IKBIP: variants seen among roughly 807,000 people sequenced by gnomAD.
IKBIP encodes IKBKB interacting protein.
A neutral mutation model predicts 31.0 loss-of-function variants in IKBIP; 28 were observed. The observed-to-expected ratio is 0.90, with a 90% CI of 0.67 to 1.24. The LOEUF is 1.24. IKBIP is among the 50% of genes most tolerant of loss of function. IKBIP has a pLI of 0.00. For missense variants in IKBIP, 453 were observed against 441.9 expected, an observed-to-expected ratio of 1.03 and a Z score of -0.23; for synonymous variants, 164 against 160.3, an observed-to-expected ratio of 1.02 and a Z score of -0.17.
intron 2 of IKBIP, among the ~76,000 whole-genome samples, chr12:98,630,842 C>T (rs915101487): frequency 2.6e-5 from 4 of 152,174 alleles, no homozygotes; most frequent in Non-Finnish European, 4.4e-5. Flanking sequence ...CCCTTTAGGG[C>T]CACCTTTGTG....
downstream of IKBIP, among the ~76,000 whole-genome samples, chr12:98,619,632 G>C (rs1433036508): frequency 1.3e-5 from 2 of 152,130 alleles, no homozygotes; most frequent in South Asian, 4.1e-4. Context: ...ATCAGTGAAG[G>C]CTGGGGATGG....
At chr12:98,622,414 G>A (rs559307836), downstream of IKBIP, among the ~76,000 whole-genome samples, 4 of 152,136 alleles carry the variant, frequency 2.6e-5, no homozygotes, top group African/African-American at 9.6e-5. Context: ...CCCAGCAATC[G>A]GAGGAGCTGA....
rs563229831 is a variant in IKBIP at position 98,643,926 on chromosome 12, C to G, written c.179+597G>C. Among the ~76,000 whole-genome samples the G allele has an allele frequency of 7.2e-5, 11 of 151,950 alleles. No homozygotes were observed. The East Asian group carries it at 2.1e-3, about 30-fold the overall frequency. ...CGCCTCCCGGGTTCAAGCGATTCTC[C>G]TGCCTCAGCCTCCGGAGGAACTGGG... is the stretch of plus-strand genomic sequence containing the variant. On this transcript the variant is annotated intron_variant, in intron 1 of 2. Coordinates refer to ENST00000299157, the MANE Select transcript of IKBIP (RefSeq NM_153687.4).
At chr12:98,617,410 T>A (rs1472716223) in intron 2 of IKBIP, among the ~76,000 whole-genome samples, 1 of 152,218 alleles carries the variant, frequency 6.6e-6, no homozygotes, top group Non-Finnish European at 1.5e-5. Context: ...TCTGGCAACA[T>A]CTTGAGTTGT....
In IKBIP at chr12:98,624,344, TG is replaced by T. The variant is rs1272768486; in HGVS notation, c.*1585del. On this transcript the variant is annotated 3_prime_UTR_variant, in exon 3 of 3. Coordinates refer to ENST00000299157, the MANE Select transcript of IKBIP (RefSeq NM_153687.4). ...TAAGAGACATTCAGAAGTCAAGAAGTGTAATTTTAAGACTGCAAAAATTAAT... is the reference window on the plus strand; with the variant it reads ...TAAGAGACATTCAGAAGTCAAGAAGTTAATTTTAAGACTGCAAAAATTAAT... 3 of 983,910 alleles carry T rather than the reference TG, an allele frequency of 3.0e-6. No homozygotes were observed. Among genetic ancestry groups the T allele is most frequent in the Admixed American group, 1.2e-4 (2 of 16,264 alleles). The allele number at this position is 983,910 out of a possible 1,614,324, so 60.9% of individuals were successfully genotyped here.
chr12:98,640,339 CAGG>C (rs1257109744), intron 1 of IKBIP, among the ~76,000 whole-genome samples: 1 of 152,092 alleles, frequency 6.6e-6, no homozygotes, highest in Non-Finnish European at 1.5e-5. Flanking sequence ...GAGGCTGAGG[CAGG>C]AGAATTGCTT....
chr12:98,613,887 T>C lies in IKBIP; in HGVS notation c.751A>G (p.Ser251Gly), dbSNP rs757815097. 3 of 1,613,536 alleles carry C rather than the reference T, an allele frequency of 1.9e-6. No homozygotes were observed. In the South Asian group the frequency reaches 3.3e-5, roughly 18 times the overall value. ...CTATCTGTATGTTTGTCGAAGTCACTCTTTAGTTCGGTTAGCGTCTTCTTA... is the reference window on the plus strand; with the variant it reads ...CTATCTGTATGTTTGTCGAAGTCACCCTTTAGTTCGGTTAGCGTCTTCTTA... The change falls in exon 3 of 3, where the codon AGT (serine) becomes GGT (glycine). Residue 251 changes from serine to glycine, a missense_variant. Physicochemically the swap from Ser to Gly is moderately conservative, Grantham distance 56. Coordinates refer to the IKBIP transcript ENST00000342502.
At chr12:98,622,779 T>C (rs2153295613), downstream of IKBIP, among the ~76,000 whole-genome samples, 1 of 152,268 alleles carries the variant, frequency 6.6e-6, no homozygotes, top group East Asian at 1.9e-4. Context: ...TATGGGTTTT[T>C]CTATGAAGCC....
intron 2 of IKBIP, among the ~76,000 whole-genome samples, chr12:98,627,365 A>G (rs373594245): frequency 3.3e-5 from 5 of 151,750 alleles, no homozygotes; most frequent in African/African-American, 9.7e-5. Flanking sequence ...AAGTAATGTT[A>G]AAGTGCCTGA....
rs2028302 is a variant in IKBIP at position 98,614,696 on chromosome 12, C to T, written c.298-356G>A. On this transcript the variant is annotated intron_variant, in intron 2 of 2. Coordinates refer to the IKBIP transcript ENST00000342502. ...CCCACCTCGGCCTCCTAAATCCATG[C>T]CTGGGATTACAGGCGTGAGCCACCA... 7.2e-4 allele frequency among the ~76,000 whole-genome samples: 110 copies of T among 152,056 alleles called. 1 individual carries two copies. The highest frequency in any genetic ancestry group is 2.5e-3 in the African/African-American group (103 of 41,466).
Position 98,644,521 on chromosome 12 carries a change from A to C in IKBIP, c.179+2T>G. The C allele has an allele frequency of 6.3e-7, 1 of 1,593,010 alleles. No individual in the cohort carries two copies. The highest frequency in any genetic ancestry group is 8.5e-7 in the Non-Finnish European group (1 of 1,171,276). On this transcript the variant is annotated splice_donor_variant, in intron 1 of 2. Coordinates refer to ENST00000299157, the MANE Select transcript of IKBIP (RefSeq NM_153687.4). LOFTEE classifies it high-confidence loss of function. ...GGCCCAGGCAGCCTCGCGTCCACTT[A>C]CCAGGCCAGGCCCAGGCACGTCCCC...
chr12:98,621,564 C>A (rs2097610144), downstream of IKBIP, among the ~76,000 whole-genome samples: 16 of 152,254 alleles, frequency 1.1e-4, no homozygotes, highest in South Asian at 3.3e-3. Context: ...TGATTTTTCT[C>A]CCCTAGTTGA....
downstream of IKBIP, among the ~76,000 whole-genome samples, chr12:98,623,832 T>C (rs564226677): frequency 3.3e-5 from 5 of 151,130 alleles, no homozygotes; most frequent in African/African-American, 1.2e-4. Context: ...CACAGGAAAG[T>C]TTTTGAAATT....
In IKBIP at chr12:98,641,498, T is replaced by C. The variant is rs371470840; in HGVS notation, c.179+3025A>G. ...AATGTTTACAAATGTCTTATGGGGA[T>C]ATATTTTTATTTCAAAATTTACTAT... is the stretch of plus-strand genomic sequence containing the variant. On this transcript the variant is annotated intron_variant, in intron 1 of 2. Transcript: ENST00000299157. 9.8e-5 allele frequency among the ~76,000 whole-genome samples: 15 copies of C among 152,350 alleles called. 2 individuals are homozygous for C. Among genetic ancestry groups the C allele is most frequent in the East Asian group, 3.9e-4 (2 of 5,192 alleles).
chr12:98,637,163 A>G (rs919958386), intron 1 of IKBIP, among the ~76,000 whole-genome samples: 8 of 152,108 alleles, frequency 5.3e-5, no homozygotes, highest in Non-Finnish European at 1.2e-4. Flanking sequence ...ATCATCTCTG[A>G]TAATTAGTAG....
intron 1 of IKBIP, among the ~76,000 whole-genome samples, chr12:98,641,845 C>T (rs780681449): frequency 9.2e-5 from 14 of 152,200 alleles, no homozygotes; most frequent in South Asian, 4.1e-4. Context: ...TTCGTAGACA[C>T]GGTCTCACTA....
Position 98,624,261 on chromosome 12 carries a change from CTATTT to C in IKBIP, c.*1664_*1668del. ...ACAAAGTTCCAGCTTACTTTATAATCTATTTTATTACCATTAATATAAAAGTAAAC... is the reference window on the plus strand; with the variant it reads ...ACAAAGTTCCAGCTTACTTTATAATCTATTACCATTAATATAAAAGTAAAC... On this transcript the variant is annotated 3_prime_UTR_variant, in exon 3 of 3. Transcript: ENST00000299157. 1 of 970,438 alleles carries C rather than the reference CTATTT, an allele frequency of 1.0e-6. No individual in the cohort carries two copies. Among genetic ancestry groups the C allele is most frequent in the Middle Eastern group, 5.3e-4 (1 of 1,896 alleles). 60.1% of individuals were successfully genotyped at this position (970,438 alleles called of 1,614,324 possible).
intron 2 of IKBIP, among the ~76,000 whole-genome samples, chr12:98,631,532 C>A (rs973777806): frequency 3.3e-5 from 5 of 149,644 alleles, no homozygotes; most frequent in African/African-American, 1.2e-4. Context: ...CCACCCACCT[C>A]GGCCCCTCAA....
intron 2 of IKBIP, among the ~76,000 whole-genome samples, chr12:98,633,840 T>G (rs1435335363): frequency 6.6e-6 from 1 of 152,174 alleles, no homozygotes; most frequent in African/African-American, 2.4e-5. Context: ...CTTAAATGCA[T>G]GTACATATAT....
Sources: gnomAD v4.1 joint callset for allele counts (sites outside exome capture counted in the v4.1 genomes callset) on GRCh38, gnomAD v4.1.1 for gene constraint, MANE v1.5 for transcripts, NCBI Gene and HGNC (gene_info 2026-07-23, HGNC 2026-07-21) for gene names.